The following STK32C variants were observed in gnomAD, a reference collection of about 807,000 sequenced individuals.
STK32C encodes the protein serine/threonine kinase 32C.
A neutral mutation model predicts 56.5 loss-of-function variants in STK32C; 31 were observed. The ratio of observed to expected loss-of-function variants is 0.55; its 90% CI spans 0.41 to 0.74. The LOEUF (loss-of-function observed/expected upper bound fraction) is 0.74, where lower values mean the gene tolerates loss of function less well. Among genes scored for constraint, STK32C ranks in the 30% least tolerant of loss-of-function variants. The pLI, the probability that STK32C is intolerant of heterozygous loss-of-function variation, is 0.00. For missense variants in STK32C, 544 were observed against 676.9 expected, an observed-to-expected ratio of 0.80 and a Z score of 2.18; for synonymous variants, 309 against 289.4, an observed-to-expected ratio of 1.07 and a Z score of -0.69.
chr10:132,260,894 C>T (rs1440089713), intron 1 of STK32C, among the ~76,000 whole-genome samples: 2 of 152,212 alleles, frequency 1.3e-5, no homozygotes, highest in Admixed American at 6.5e-5. Context: ...GCGAGGTCAG[C>T]GCTGCCAGAC....
At chr10:132,218,133 G>A (rs2137624266) in intron 10 of STK32C, among the ~76,000 whole-genome samples, 1 of 152,238 alleles carries the variant, frequency 6.6e-6, no homozygotes, top group South Asian at 2.1e-4. Context: ...GGACAACATA[G>A]TGAGACCCTG....
intron 2 of STK32C, 53 bp from the exon 3 acceptor site, chr10:132,228,181 T>TG (rs1346456711): frequency 1.2e-6 from 2 of 1,612,112 alleles, no homozygotes; most frequent in African/African-American, 2.7e-5. Context: ...TGGGGACACG[T>TG]GGGGACACCT....
intron 10 of STK32C, 71 bp downstream of exon 10, chr10:132,222,570 C>T: frequency 6.3e-7 from 1 of 1,576,678 alleles, no homozygotes; most frequent in Non-Finnish European, 8.6e-7. Context: ...TCCCCACACG[C>T]CTTGCTCGGT....
At chr10:132,278,463 TA>T (rs5789126) in intron 1 of STK32C, among the ~76,000 whole-genome samples, 65,987 of 151,972 alleles carry the variant, frequency 0.43, 15,470 homozygotes, top group African/African-American at 0.6. Context: ...ACACAGTTTT[TA>T]AAAAATCAAA....
chr10:132,307,627 G>T lies in STK32C; in HGVS notation c.207C>A (p.Gly69=). The T allele has an allele frequency of 6.4e-7, 1 of 1,557,312 alleles. No individual in the cohort carries two copies. The highest frequency in any genetic ancestry group is 8.7e-7 in the Non-Finnish European group (1 of 1,155,350). ...FQWSKWKKRM[G]SSMSAATARR... ...GCGCGGTGGCCGCCGACATGGACGA[G>T]CCCATCCTCTTCTTCCACTTGCTCC... The change falls in exon 1 of 12, where the codon GGC becomes GGA. Residue 69 remains glycine (G), a synonymous_variant. Transcript: ENST00000298630. The surrounding 1 kb of genome is among the most constrained non-coding windows in gnomAD (Gnocchi z 4.4).
chr10:132,271,147 C>T (rs2064807244), intron 1 of STK32C, among the ~76,000 whole-genome samples: 1 of 152,146 alleles, frequency 6.6e-6, no homozygotes, highest in Non-Finnish European at 1.5e-5. Flanking sequence ...GTGTCCTAAC[C>T]GGGGCCTTCC....
At chr10:132,268,956 CGTGTGT>C (rs149137293) in intron 1 of STK32C, among the ~76,000 whole-genome samples, 3 of 126,612 alleles carry the variant, frequency 2.4e-5, no homozygotes, top group African/African-American at 8.9e-5. Context: ...TGTCTCACAT[CGTGTGT>C]GTGTGTGTGT....
At chr10:132,293,294 G>A (rs2138317071) in intron 1 of STK32C, among the ~76,000 whole-genome samples, 1 of 152,360 alleles carries the variant, frequency 6.6e-6, no homozygotes, top group African/African-American at 2.4e-5. Flanking sequence ...CTCTGAGATG[G>A]CCCAGGGCCA....
chr10:132,231,687 G>C (rs1002663590), intron 2 of STK32C, among the ~76,000 whole-genome samples: 5 of 152,220 alleles, frequency 3.3e-5, no homozygotes, highest in African/African-American at 4.8e-5. Flanking sequence ...ATTGGGATGG[G>C]CCCTAAAGCC....
chr10:132,285,759 T>G (rs750371352), intron 1 of STK32C, among the ~76,000 whole-genome samples: 1 of 152,152 alleles, frequency 6.6e-6, no homozygotes, highest in African/African-American at 2.4e-5. Context: ...TCCCCTCTAT[T>G]ATAGACAAGG....
At chr10:132,230,679 C>CGGCG (rs1554977779) in intron 2 of STK32C, among the ~76,000 whole-genome samples, 1 of 49,684 alleles carries the variant, frequency 2.0e-5, no homozygotes, top group South Asian at 8.5e-4. Flanking sequence ...GGGAAGCTGG[C>CGGCG]GGGGGGGGGG....
intron 1 of STK32C, among the ~76,000 whole-genome samples, chr10:132,283,875 T>C (rs1054044901): frequency 8.5e-5 from 13 of 152,142 alleles, no homozygotes; most frequent in African/African-American, 2.9e-4. Flanking sequence ...CCAGGAGGCC[T>C]CCCTGAGTCC....
chr10:132,281,498 G>T (rs1416569433), intron 1 of STK32C, among the ~76,000 whole-genome samples: 1 of 152,074 alleles, frequency 6.6e-6, no homozygotes, highest in Non-Finnish European at 1.5e-5. Context: ...CGTCTTAGTG[G>T]GCCTGGACCA....
intron 1 of STK32C, among the ~76,000 whole-genome samples, chr10:132,326,234 G>C (rs1415096552): frequency 6.6e-6 from 1 of 152,158 alleles, no homozygotes; most frequent in Non-Finnish European, 1.5e-5. Flanking sequence ...ACAAATTTGG[G>C]GGTAATTATC....
intron 2 of STK32C, among the ~76,000 whole-genome samples, chr10:132,231,226 G>A (rs973933959): frequency 5.3e-5 from 8 of 152,216 alleles, no homozygotes; most frequent in Non-Finnish European, 1.2e-4. Flanking sequence ...CCACGGCTCT[G>A]CTGTCCACCA....
At chr10:132,236,563 G>A (rs1248906785) in intron 2 of STK32C, among the ~76,000 whole-genome samples, 2 of 152,216 alleles carry the variant, frequency 1.3e-5, no homozygotes, top group African/African-American at 4.8e-5. Context: ...CAGCCCAGGA[G>A]GGGGTGCCTA....
At chr10:132,260,293 G>A (rs1015731240) in intron 1 of STK32C, among the ~76,000 whole-genome samples, 30 of 152,122 alleles carry the variant, frequency 2.0e-4, no homozygotes, top group African/African-American at 6.8e-4. Flanking sequence ...CCCAGAGTCC[G>A]GCCCGGGGTC....
intron 1 of STK32C, among the ~76,000 whole-genome samples, chr10:132,270,471 C>T (rs74161758): frequency 4.6e-5 from 7 of 152,152 alleles, no homozygotes; most frequent in African/African-American, 1.2e-4. Flanking sequence ...AAACCCTCCA[C>T]GGCACTTCTG....
chr10:132,309,325 G>A (rs2066175472), upstream of STK32C, among the ~76,000 whole-genome samples: 1 of 151,630 alleles, frequency 6.6e-6, no homozygotes, highest in Non-Finnish European at 1.5e-5. Context: ...CATCTACCTA[G>A]GACATGCACC....
Sources: allele counts gnomAD v4.1 joint callset (sites outside exome capture counted in the v4.1 genomes callset), GRCh38; gene constraint gnomAD v4.1.1; non-coding constraint Gnocchi (gnomAD v3.1); transcripts MANE v1.5; gene names NCBI Gene and HGNC (gene_info 2026-07-23, HGNC 2026-07-21).